JAK1: variants seen among roughly 807,000 people sequenced by gnomAD.
JAK1 encodes tyrosine-protein kinase JAK1.
In JAK1, 16 loss-of-function variants were observed where a neutral mutation model predicts 136.6. The ratio of observed to expected loss-of-function variants is 0.12; its 90% confidence interval spans 0.08 to 0.18. The LOEUF (loss-of-function observed/expected upper bound fraction) is 0.18, where lower values mean the gene tolerates loss of function less well. Ranked by LOEUF, JAK1 falls within the 10% of genes least tolerant of loss-of-function variation. The pLI is 1.00. For synonymous variants in JAK1, 492 were observed against 519.5 expected, an observed-to-expected ratio of 0.95 and a Z score of 0.72; for missense variants, 859 against 1,450.1, an observed-to-expected ratio of 0.59 and a Z score of 6.62.
chr1:64,844,770 C>T lies in JAK1; in HGVS notation c.2235G>A (p.Thr745=), dbSNP rs557624796. The change falls in exon 16 of 25, where the codon ACG becomes ACA. Residue 745 remains threonine (T), a synonymous_variant. Transcript: ENST00000342505. The surrounding 1 kb of genome is among the most constrained non-coding windows in gnomAD (Gnocchi z 5.7). ...GAGACACACCTTGCCTAGACAGCAC[C>T]GTAATGGGGATGCCGGGGTCACTGA... ...IKLSDPGIPI[T]VLSRQECIER... is the part of the protein sequence containing the mutation. 23 of 1,614,164 alleles carry T rather than the reference C, an allele frequency of 1.4e-5. No individual in the cohort carries two copies. The highest frequency in any genetic ancestry group is 1.2e-4 in the South Asian group (11 of 91,076).
chr1:64,964,896 T>G (rs573764241), intron 1 of JAK1, among the ~76,000 whole-genome samples: 1 of 152,284 alleles, frequency 6.6e-6, no homozygotes, highest in South Asian at 2.1e-4. Flanking sequence ...GTGGTCTCCA[T>G]TAATCTTCAC....
At chr1:65,020,225 C>CAAAA (rs375362876) in intron 2 of JAK1, among the ~76,000 whole-genome samples, 6 of 50,764 alleles carry the variant, frequency 1.2e-4, no homozygotes, top group Non-Finnish European at 1.6e-4. Flanking sequence ...AACTCCGTCT[C>CAAAA]AAAAAAAAAA....
chr1:65,009,868 C>A (rs541165688), intron 2 of JAK1, among the ~76,000 whole-genome samples: 10 of 152,300 alleles, frequency 6.6e-5, no homozygotes, highest in African/African-American at 2.4e-4. Flanking sequence ...CTAAATTACA[C>A]TTATGCAAAA....
At chr1:65,036,877 T>C (rs1647079402) in intron 2 of JAK1, among the ~76,000 whole-genome samples, 1 of 152,130 alleles carries the variant, frequency 6.6e-6, no homozygotes, top group African/African-American at 2.4e-5. Context: ...TCTTAAAAAA[T>C]AAATACATGC....
intron 2 of JAK1, among the ~76,000 whole-genome samples, chr1:64,999,727 C>A (rs1254249215): frequency 6.9e-6 from 1 of 144,864 alleles, no homozygotes; most frequent in Non-Finnish European, 1.5e-5. Context: ...AGAGTGAGAC[C>A]CTCTCTTTAA....
intron 3 of JAK1, among the ~76,000 whole-genome samples, chr1:64,880,087 C>G (rs1428792068): frequency 6.6e-6 from 1 of 152,204 alleles, no homozygotes; most frequent in Non-Finnish European, 1.5e-5. Flanking sequence ...AATCGGACAT[C>G]TGCAGTGAGA....
rs141315122 is a variant in JAK1, at chr1:65,041,207, C to G, written c.-78+3273G>C. On this transcript the variant is annotated intron_variant, in intron 2 of 25. Coordinates refer to the JAK1 transcript ENST00000671954. ...CAGCAAGAGCTCCTTATTACCGTGG[C>G]GAGGAGACCGCGCCAAGTGGAAAAA... 6.6e-5 allele frequency among the ~76,000 whole-genome samples: 10 copies of G among 152,182 alleles called. No individual in the cohort carries two copies. The East Asian group carries it at 1.9e-3, about 29-fold the overall frequency.
chr1:64,884,182 G>T (rs1032134567), intron 2 of JAK1, among the ~76,000 whole-genome samples: 1 of 152,124 alleles, frequency 6.6e-6, no homozygotes, highest in Admixed American at 6.5e-5. Context: ...GAAAACCCTG[G>T]TGAAAAGTGC....
rs115245787 is a variant in JAK1 at position 65,039,441 on chromosome 1, C to T, written c.-78+5039G>A. 9.2e-3 allele frequency among the ~76,000 whole-genome samples: 1,404 copies of T among 152,262 alleles called. 14 individuals are homozygous for T. The highest frequency in any genetic ancestry group is 0.032 in the African/African-American group (1,337 of 41,548). On this transcript the variant is annotated intron_variant, in intron 2 of 25. Coordinates refer to the JAK1 transcript ENST00000671954. ...ATATGTGTTATTTAGTCCTCACCAC[C>T]ATCTTTCTAGTTAAGAAACAGATTT...
chr1:64,867,818 C>G (rs1656798294), intron 6 of JAK1, among the ~76,000 whole-genome samples: 1 of 152,098 alleles, frequency 6.6e-6, no homozygotes, highest in African/African-American at 2.4e-5. Flanking sequence ...TGGAGAAACC[C>G]CATCTGTACT....
intron 1 of JAK1, among the ~76,000 whole-genome samples, chr1:64,917,060 CA>C (rs981225577): frequency 2.0e-5 from 3 of 151,964 alleles, no homozygotes; most frequent in African/African-American, 7.3e-5. Flanking sequence ...AAAGGCCCAT[CA>C]AAACAATGGA....
At chr1:65,062,714 A>G (rs960477960) in intron 1 of JAK1, among the ~76,000 whole-genome samples, 2 of 152,236 alleles carry the variant, frequency 1.3e-5, no homozygotes, top group African/African-American at 2.4e-5. Context: ...GGTGCTGTTT[A>G]TATCTTATTT....
intron 1 of JAK1, among the ~76,000 whole-genome samples, chr1:64,966,110 G>A (rs957346911): frequency 7.9e-5 from 12 of 151,786 alleles, no homozygotes; most frequent in Non-Finnish European, 1.0e-4. Context: ...GGGGGCCCCC[G>A]CCCGGCGACC....
rs923803399 is a variant in JAK1 at position 64,860,152 on chromosome 1, G to C, written c.1287C>G (p.Pro429=). The change falls in exon 9 of 25, where the codon CCC becomes CCG. Residue 429 remains proline, a synonymous_variant. Coordinates refer to ENST00000342505, the MANE Select transcript of JAK1 (RefSeq NM_002227.4). The stretch of plus-strand genomic sequence containing the variant: ...TCTGTATGTTGTGGACGATCAACGG[G>C]GGGGCCACGTCGGTGCAGAGGTAAT... ...AHHYLCTDVA[P]PLIVHNIQNG... 23 of 1,603,518 alleles carry C rather than the reference G, an allele frequency of 1.4e-5. No homozygotes were observed. The highest frequency in any genetic ancestry group is 8.5e-7 in the Non-Finnish European group (1 of 1,172,746).
chr1:65,031,145 G>T (rs755356045), intron 2 of JAK1, among the ~76,000 whole-genome samples: 1 of 120,994 alleles, frequency 8.3e-6, no homozygotes, highest in African/African-American at 3.3e-5. Context: ...CAGAGTGAGA[G>T]ACCCTATCTC....
At chr1:65,004,897 C>G (rs1448265293) in intron 2 of JAK1, among the ~76,000 whole-genome samples, 1 of 152,122 alleles carries the variant, frequency 6.6e-6, no homozygotes, top group Non-Finnish European at 1.5e-5. Context: ...ATCTTCACTA[C>G]CCTTTATTTC....
At chr1:64,849,484 C>A (rs1288218629) in intron 12 of JAK1, among the ~76,000 whole-genome samples, 1 of 152,240 alleles carries the variant, frequency 6.6e-6, no homozygotes, top group Non-Finnish European at 1.5e-5. Flanking sequence ...GTGTGAGCCA[C>A]TGTGTGAGCC....
At chr1:64,917,740 C>A (rs1228072204) in intron 1 of JAK1, among the ~76,000 whole-genome samples, 5 of 152,172 alleles carry the variant, frequency 3.3e-5, no homozygotes, top group Middle Eastern at 3.2e-3. Flanking sequence ...TTGGCCTATT[C>A]CTGAGAGCTG....
intron 1 of JAK1, among the ~76,000 whole-genome samples, chr1:65,056,918 T>G (rs483779): frequency 0.75 from 107,128 of 142,910 alleles, 40,387 homozygotes; most frequent in South Asian, 0.89. Context: ...CTGAGACTCT[T>G]TCTTTAAAAA....
Sources: gnomAD v4.1 joint callset for allele counts (sites outside exome capture counted in the v4.1 genomes callset) on GRCh38, gnomAD v4.1.1 for gene constraint, Gnocchi (gnomAD v3.1) non-coding constraint, MANE v1.5 for transcripts, NCBI Gene and HGNC (gene_info 2026-07-23, HGNC 2026-07-21) for gene names.